ERBB4: variants seen among roughly 807,000 people sequenced by gnomAD.
ERBB4 encodes receptor tyrosine-protein kinase erbB-4.
In ERBB4, 42 loss-of-function variants were observed where a neutral mutation model predicts 158.0. The observed-to-expected ratio is 0.27, with a 90% CI of 0.21 to 0.34. The LOEUF is 0.34. Among genes scored for constraint, ERBB4 ranks in the 10% least tolerant of loss-of-function variants. The probability of loss-of-function intolerance (pLI) is 1.00; values close to 1 mark genes in which losing one functional copy is unlikely to be tolerated. For missense variants in ERBB4, 1,333 were observed against 1,624.1 expected (o/e 0.82, Z 3.08); for synonymous variants, 583 against 558.7 (o/e 1.04, Z -0.61).
intron 1 of ERBB4, among the ~76,000 whole-genome samples, chr2:212,391,953 T>C (rs1275324931): frequency 6.6e-6 from 1 of 151,304 alleles, no homozygotes; most frequent in East Asian, 1.9e-4. Flanking sequence ...ATTTTTAATT[T>C]AAAAGGATTA....
intron 2 of ERBB4, among the ~76,000 whole-genome samples, chr2:212,120,887 A>G (rs2079726909): frequency 6.6e-6 from 1 of 152,194 alleles, no homozygotes; most frequent in African/African-American, 2.4e-5. Context: ...ACAATTTGAA[A>G]CTTATAGGAA....
intron 20 of ERBB4, among the ~76,000 whole-genome samples, chr2:211,537,495 C>T (rs565814489): frequency 2.0e-4 from 30 of 152,012 alleles, no homozygotes; most frequent in Non-Finnish European, 3.4e-4. Context: ...TTAAGTCATT[C>T]GTTCTCTTAA....
intron 1 of ERBB4, among the ~76,000 whole-genome samples, chr2:212,377,498 C>A (rs2090364307): frequency 6.6e-6 from 1 of 151,630 alleles, no homozygotes; most frequent in South Asian, 2.1e-4. Context: ...ATACTGTAGC[C>A]AATTTTAGCA....
intron 19 of ERBB4, among the ~76,000 whole-genome samples, chr2:211,581,932 C>T (rs1256658839): frequency 6.6e-6 from 1 of 152,044 alleles, no homozygotes; most frequent in Middle Eastern, 3.2e-3. Flanking sequence ...ATCACTTGAA[C>T]CCAGGAGGCG....
chr2:212,249,275 T>C lies in ERBB4; in HGVS notation c.83-124372A>G, dbSNP rs112003078. On this transcript the variant is annotated intron_variant, in intron 1 of 27. Coordinates refer to ENST00000342788, the MANE Select transcript of ERBB4 (RefSeq NM_005235.3). ...ATATGACTAAGGAAATTGTGTAAAC[T>C]GTATTATTTATTCATACATATATAT... is the stretch of plus-strand genomic sequence containing the variant. Among the ~76,000 whole-genome samples, 1,304 of 152,020 alleles carry C rather than the reference T, an allele frequency of 8.6e-3. 25 individuals are homozygous for C. The highest frequency in any genetic ancestry group is 0.03 in the African/African-American group (1,237 of 41,504).
At chr2:212,182,758 T>A (rs2081908388) in intron 1 of ERBB4, among the ~76,000 whole-genome samples, 1 of 151,812 alleles carries the variant, frequency 6.6e-6, no homozygotes, top group South Asian at 2.1e-4. Context: ...TTAGACTTGC[T>A]TTGTTTGTTT....
In ERBB4 at chr2:212,074,589, C is replaced by T. The variant is rs1420419703; in HGVS notation, c.234+50163G>A. Reference sequence around the variant, plus strand: ...GGTTGGCAGGTATTTTGATGAATATCATCTTAGTGAATGTTGCCAGCAACC... The same window carrying T: ...GGTTGGCAGGTATTTTGATGAATATTATCTTAGTGAATGTTGCCAGCAACC... On this transcript the variant is annotated intron_variant, in intron 2 of 27. Coordinates refer to ENST00000342788, the MANE Select transcript of ERBB4 (RefSeq NM_005235.3). Among the ~76,000 whole-genome samples, 3 of 152,032 alleles carry T rather than the reference C, an allele frequency of 2.0e-5. No individual in the cohort carries two copies. The East Asian group carries it at 5.8e-4, about 29-fold the overall frequency.
intron 1 of ERBB4, among the ~76,000 whole-genome samples, chr2:212,161,243 TATTC>T (rs2125648491): frequency 6.6e-6 from 1 of 152,060 alleles, no homozygotes; most frequent in South Asian, 2.1e-4. Context: ...TCATATTTAA[TATTC>T]ATTGAGTACA....
chr2:212,229,128 G>C (rs1447759540), intron 1 of ERBB4, among the ~76,000 whole-genome samples: 1 of 152,200 alleles, frequency 6.6e-6, no homozygotes, highest in Non-Finnish European at 1.5e-5. Context: ...ATAATGTACA[G>C]TGTTGCAATT....
intron 19 of ERBB4, among the ~76,000 whole-genome samples, chr2:211,587,454 T>C (rs2068319748): frequency 6.6e-6 from 1 of 151,882 alleles, no homozygotes; most frequent in Non-Finnish European, 1.5e-5. Flanking sequence ...CACAGAAGCA[T>C]AGGGAGAATG....
intron 1 of ERBB4, among the ~76,000 whole-genome samples, chr2:212,445,764 G>A (rs183061568): frequency 9.2e-5 from 14 of 152,186 alleles, no homozygotes; most frequent in Admixed American, 2.0e-4. Context: ...ACTCCACCAG[G>A]GGAAAAAACC....
chr2:212,211,024 A>G (rs1168561404), intron 1 of ERBB4, among the ~76,000 whole-genome samples: 1 of 151,946 alleles, frequency 6.6e-6, no homozygotes, highest in Non-Finnish European at 1.5e-5. Flanking sequence ...TGGCATCTCT[A>G]TCCATTCTGT....
At chr2:212,222,292 A>G (rs2105956942) in intron 1 of ERBB4, among the ~76,000 whole-genome samples, 1 of 151,696 alleles carries the variant, frequency 6.6e-6, no homozygotes, top group South Asian at 2.1e-4. Context: ...AAACATTTTT[A>G]CCATTCTAAT....
intron 2 of ERBB4, among the ~76,000 whole-genome samples, chr2:212,053,216 T>A (rs981161006): frequency 6.6e-6 from 1 of 152,160 alleles, no homozygotes; most frequent in Non-Finnish European, 1.5e-5. Flanking sequence ...ACATATCATT[T>A]CCCTCTTCAA....
At chr2:211,454,099 C>T (rs1292687268) in intron 20 of ERBB4, among the ~76,000 whole-genome samples, 1 of 152,168 alleles carries the variant, frequency 6.6e-6, no homozygotes, top group Non-Finnish European at 1.5e-5. Flanking sequence ...ATTCCCTATG[C>T]TCCACAACTA....
At chr2:211,412,287 CAA>C (rs2063278582) in intron 25 of ERBB4, among the ~76,000 whole-genome samples, 1 of 152,070 alleles carries the variant, frequency 6.6e-6, no homozygotes, top group African/African-American at 2.4e-5. Context: ...TAAAAAGTAA[CAA>C]AAACACATTT....
At chr2:211,650,902 A>G (rs1480355508) in intron 16 of ERBB4, among the ~76,000 whole-genome samples, 2 of 152,202 alleles carry the variant, frequency 1.3e-5, no homozygotes, top group African/African-American at 4.8e-5. Context: ...AATTACATAG[A>G]ATCTCAATTT....
intron 2 of ERBB4, among the ~76,000 whole-genome samples, chr2:211,951,206 T>C (rs954033682): frequency 1.3e-5 from 2 of 152,158 alleles, no homozygotes; most frequent in Non-Finnish European, 2.9e-5. Flanking sequence ...TAAAATGTCA[T>C]TGGTTTATCT....
chr2:212,449,699 A>T (rs1253252788), intron 1 of ERBB4, among the ~76,000 whole-genome samples: 3 of 152,124 alleles, frequency 2.0e-5, no homozygotes, highest in African/African-American at 7.2e-5. Context: ...ACAAGGGCAA[A>T]AAGTATCAAA....
Sources: allele counts gnomAD v4.1 joint callset (sites outside exome capture counted in the v4.1 genomes callset), GRCh38; gene constraint gnomAD v4.1.1; transcripts MANE v1.5; gene names NCBI Gene and HGNC (gene_info 2026-07-23, HGNC 2026-07-21).